ERI2: variants seen among roughly 807,000 people sequenced by gnomAD.
ERI2 encodes the protein ERI1 exoribonuclease 2.
A neutral mutation model predicts 46.8 loss-of-function variants in ERI2; 35 were observed. The observed-to-expected ratio is 0.75, with a 90% CI of 0.57 to 0.99. The LOEUF (loss-of-function observed/expected upper bound fraction) is 0.99. Among genes scored for constraint, ERI2 ranks in the 50% least tolerant of loss-of-function variants. ERI2 has a pLI of 0.00. For synonymous variants in ERI2, 224 were observed against 271.0 expected (o/e 0.83, Z 1.70); for missense variants, 695 against 796.2 (o/e 0.87, Z 1.53).
chr16:20,796,280 G>T (rs1049544440), downstream of ERI2: 22 of 1,539,188 alleles, frequency 1.4e-5, no homozygotes, highest in Non-Finnish European at 1.8e-5. Flanking sequence ...ACCCCACCAG[G>T]CATGTAGATT....
At chr16:20,795,805 G>C (rs1386511599), downstream of ERI2, among the ~76,000 whole-genome samples, 3 of 152,154 alleles carry the variant, frequency 2.0e-5, no homozygotes, top group Admixed American at 6.5e-5. Flanking sequence ...CTTTTAAAGG[G>C]GGCTATGAGG....
At chr16:20,792,063 G>T, downstream of ERI2, 1 of 1,614,156 alleles carries the variant, frequency 6.2e-7, no homozygotes. Flanking sequence ...GGGGACAGAG[G>T]ATATATGGAT....
At chr16:20,789,358 G>T in intron 10 of ERI2, 2 of 754,906 alleles carry the variant, frequency 2.6e-6, no homozygotes, top group Non-Finnish European at 4.6e-6. Flanking sequence ...AGTACTTAAA[G>T]GTTTAGCATT....
At chr16:20,804,445 G>A (rs1263976534) in intron 1 of ERI2, among the ~76,000 whole-genome samples, 10 of 151,976 alleles carry the variant, frequency 6.6e-5, no homozygotes, top group East Asian at 3.9e-4. Flanking sequence ...CAGGTGGATT[G>A]CTTGAGCTCC....
chr16:20,792,616 T>C (rs1396451778), downstream of ERI2: 8 of 985,276 alleles, frequency 8.1e-6, no homozygotes, highest in Middle Eastern at 5.2e-4. Context: ...TGAATGCCAG[T>C]AACCCAGGCT....
At chr16:20,805,289 G>A (rs2080847052) in intron 1 of ERI2, among the ~76,000 whole-genome samples, 1 of 152,058 alleles carries the variant, frequency 6.6e-6, no homozygotes, top group Admixed American at 6.5e-5. Flanking sequence ...GCTGGGTGTG[G>A]TGGTGCATGC....
chr16:20,781,637 G>C (rs1053778041), intron 10 of ERI2: 2 of 1,147,448 alleles, frequency 1.7e-6, no homozygotes, highest in African/African-American at 1.5e-5. Context: ...ATTGTGCTGC[G>C]TCAACCAAAG....
At position 20,800,043 on chromosome 16, in the gene ERI2, C is replaced by T. The variant is rs1291936942; in HGVS notation, c.562-5G>A. The T allele has an allele frequency of 6.5e-7, 1 of 1,534,270 alleles. No individual in the cohort carries two copies. Among genetic ancestry groups the T allele is most frequent in the African/African-American group, 1.4e-5 (1 of 72,218 alleles). On this transcript the variant is annotated splice_polypyrimidine_tract_variant and splice_region_variant and intron_variant, in intron 6 of 8. Transcript: ENST00000357967. ...TGGTTTTCTCCTATAGAAAAGCTAA[C>T]CAATAAAAAAAGATATATTTAAAAG... is the stretch of plus-strand genomic sequence containing the variant.
Position 20,800,354 on chromosome 16 carries a change from A to C in ERI2, c.509T>G (p.Leu170Arg). 1.9e-6 allele frequency: 3 copies of C among 1,610,786 alleles called. No homozygotes were observed. The highest frequency in any genetic ancestry group is 2.5e-6 in the Non-Finnish European group (3 of 1,178,006). The change falls in exon 6 of 9, where the codon CTG (leucine) becomes CGG (arginine). Residue 170 changes from leucine (L) to arginine (R), a missense_variant. Leu to Arg is a moderately radical substitution (Grantham distance 102, BLOSUM62 -2). Transcript: ENST00000357967. ...CLEYECKRKQ[L>R]LKPVFLNSWI... The stretch of plus-strand genomic sequence containing the variant: ...AGAATTTAAAAACACAGGTTTTAAC[A>C]GCTGCTTTCTTTTACACTCATACTC...
intron 6 of ERI2, 54 bp from the exon 7 acceptor site, chr16:20,800,092 G>A: frequency 8.8e-7 from 1 of 1,136,740 alleles, no homozygotes; most frequent in Non-Finnish European, 1.3e-6. Flanking sequence ...TAAAGACTAT[G>A]TATTAAACAC....
intron 9 of ERI2, among the ~76,000 whole-genome samples, chr16:20,789,925 C>T (rs1190236135): frequency 1.3e-5 from 2 of 151,784 alleles, no homozygotes; most frequent in African/African-American, 4.8e-5. Context: ...CCACCCGCCT[C>T]GGCCTCCCAA....
At position 20,798,752 on chromosome 16, in the gene ERI2, G is replaced by A. The variant is rs61740592; in HGVS notation, c.1048C>T (p.Pro350Ser). The change falls in exon 9 of 9, where the codon CCT becomes TCT. Residue 350 changes from proline (P) to serine (S), a missense_variant. By Grantham distance (74) the Pro-to-Ser change is moderately conservative (BLOSUM62 -1). Coordinates refer to ENST00000357967, the MANE Select transcript of ERI2 (RefSeq NM_001142725.2). ...GQLQSPTLNS[P>S]IYMQKQGKNE... ...TTTCCTTGCTTTTGCATATAGATAG[G>A]TGAATTCAAGGTAGGAGACTGCAAC... 9.9e-4 allele frequency: 1,537 copies of A among 1,551,560 alleles called. 10 individuals are homozygous for A. The African/African-American group carries it at 0.018, about 18-fold the overall frequency.
chr16:20,796,379 G>T lies in ERI2; in HGVS notation c.*1345C>A, dbSNP rs758739948. ...CAAATATTTATTTTAGGTAGTAAAG[G>T]CTTTTGTCGTTCTAAATCCTGATTA... On this transcript the variant is annotated 3_prime_UTR_variant, in exon 9 of 9. Coordinates refer to ENST00000357967, the MANE Select transcript of ERI2 (RefSeq NM_001142725.2). The T allele has an allele frequency of 6.2e-7, 1 of 1,610,738 alleles. No homozygotes were observed. Among genetic ancestry groups the T allele is most frequent in the Non-Finnish European group, 8.5e-7 (1 of 1,179,256 alleles).
At chr16:20,784,980 G>GA (rs1213383504) in intron 10 of ERI2, 1 of 1,606,766 alleles carries the variant, frequency 6.2e-7, no homozygotes. Flanking sequence ...GGTTTTCTGA[G>GA]AAGCTATAAG....
Position 20,797,743 on chromosome 16 carries a change from C to G in ERI2, c.2057G>C (p.Arg686Thr). The G allele has an allele frequency of 6.5e-7, 1 of 1,548,044 alleles. No homozygotes were observed. Among genetic ancestry groups the G allele is most frequent in the South Asian group, 1.2e-5 (1 of 83,116 alleles). ...AGGTTATCAATTCCTCATTGAAGGC[C>G]TGAGTCTCAAAGAATTTTTGGTGGA... ...SISTKNSLRL[R>T]PSMRN The change falls in exon 9 of 9, where the codon AGG becomes ACG. Residue 686 changes from arginine (R) to threonine (T), a missense_variant. Coordinates refer to ENST00000357967, the MANE Select transcript of ERI2 (RefSeq NM_001142725.2).
intron 1 of ERI2, 38 bp downstream of exon 1, chr16:20,806,370 G>A (rs2080872899): frequency 6.5e-7 from 1 of 1,548,482 alleles, no homozygotes; most frequent in Non-Finnish European, 8.7e-7. Context: ...CGCTGGACCC[G>A]GAGCTACCCG....
intron 10 of ERI2, chr16:20,781,097 T>C: frequency 6.2e-7 from 1 of 1,614,020 alleles, no homozygotes; most frequent in Non-Finnish European, 8.5e-7. Flanking sequence ...TCACACACCA[T>C]TTACCCCGTT....
rs1339750646 is a variant in ERI2, at chr16:20,800,366, T to C, written c.497A>G (p.Lys166Arg). 2 of 1,610,604 alleles carry C rather than the reference T, an allele frequency of 1.2e-6. No homozygotes were observed. Among genetic ancestry groups the C allele is most frequent in the South Asian group, 2.2e-5 (2 of 90,584 alleles). Reference protein sequence around the residue: ...DLGVCLEYECKRKQLLKPVFL... With the variant: ...DLGVCLEYECRRKQLLKPVFL... The stretch of plus-strand genomic sequence containing the variant: ...CACAGGTTTTAACAGCTGCTTTCTT[T>C]TACACTCATACTCCAGGCAAACCCC... The change falls in exon 6 of 9, where the codon AAA (lysine) becomes AGA (arginine). Residue 166 changes from lysine to arginine, a missense_variant. Physicochemically the swap from Lys to Arg is conservative, Grantham distance 26. Transcript: ENST00000357967.
intron 3 of ERI2, 121 bp from the exon 4 acceptor site, chr16:20,803,044 T>A: frequency 5.7e-6 from 6 of 1,049,798 alleles, no homozygotes; most frequent in Non-Finnish European, 7.9e-6. Flanking sequence ...AAAAGCATAC[T>A]AAAATGACCA....
Sources: allele counts gnomAD v4.1 joint callset (sites outside exome capture counted in the v4.1 genomes callset), GRCh38; gene constraint gnomAD v4.1.1; transcripts MANE v1.5; gene names NCBI Gene and HGNC (gene_info 2026-07-23, HGNC 2026-07-21).